TLR8: variants seen among roughly 807,000 people sequenced by gnomAD.
TLR8 encodes toll-like receptor 8.
TLR8 carries 5 observed loss-of-function variants against 18.5 expected under a neutral mutation model. That is an observed-to-expected ratio of 0.27 (90% CI 0.14 to 0.57). The LOEUF (loss-of-function observed/expected upper bound fraction) is 0.57. Among genes scored for constraint, TLR8 ranks in the 20% least tolerant of loss-of-function variants. TLR8 has a pLI of 0.92. For missense variants in TLR8, 543 were observed against 769.8 expected, an observed-to-expected ratio of 0.71 and a Z score of 3.49; for synonymous variants, 299 against 300.1, an observed-to-expected ratio of 1.00 and a Z score of 0.04.
At chrX:12,913,439 T>C (rs1432564119) in intron 1 of TLR8, among the ~76,000 whole-genome samples, 4 of 112,896 alleles carry the variant, frequency 3.5e-5, no homozygotes, top group Admixed American at 2.8e-4. Context: ...GGTTTGTTCA[T>C]TGTTTTATCT....
At chrX:12,910,687 C>A (rs947427462) in intron 1 of TLR8, among the ~76,000 whole-genome samples, 1 of 112,099 alleles carries the variant, frequency 8.9e-6, no homozygotes, top group Non-Finnish European at 1.9e-5. Context: ...GTTCTTCAAA[C>A]TGCACTGGTC....
chrX:12,907,274 C>T (rs1455037285), intron 1 of TLR8, among the ~76,000 whole-genome samples: 1 of 112,475 alleles, frequency 8.9e-6, no homozygotes, highest in Non-Finnish European at 1.9e-5. Context: ...TACTTTTCCA[C>T]CAACCTAATA....
At chrX:12,916,829 G>A (rs1387026460) in intron 1 of TLR8, among the ~76,000 whole-genome samples, 5 of 110,932 alleles carry the variant, frequency 4.5e-5, no homozygotes, top group African/African-American at 1.6e-4. Flanking sequence ...CATCCAGATT[G>A]TCAGGTGATT....
At chrX:12,914,617 C>A (rs1368869841) in intron 1 of TLR8, among the ~76,000 whole-genome samples, 1 of 111,686 alleles carries the variant, frequency 9.0e-6, no homozygotes, top group Non-Finnish European at 1.9e-5. Context: ...ATCCCTCTCC[C>A]TCACAACCTC....
chrX:12,921,633 G>C lies in TLR8; in HGVS notation c.2593G>C (p.Ala865Pro). Residue 865 changes from alanine (A) to proline (P), a missense_variant, in exon 2 of 2, where the codon GCT becomes CCT. By Grantham distance (27) the Ala-to-Pro change is conservative. Coordinates refer to ENST00000218032, the MANE Select transcript of TLR8 (RefSeq NM_138636.5). ...TTGGTTTATATATAATGTGTGTTTA[G>C]CTAAGGTAAAAGGCTACAGGTCTCT... is the stretch of plus-strand genomic sequence containing the variant. ...DVWFIYNVCLAKVKGYRSLST... is the reference protein window; with the variant it reads ...DVWFIYNVCLPKVKGYRSLST... The C allele has an allele frequency of 8.3e-7, 1 of 1,211,618 alleles. No individual in the cohort carries two copies. Among genetic ancestry groups the C allele is most frequent in the Non-Finnish European group, 1.1e-6 (1 of 895,359 alleles).
rs1031350684 is a variant in TLR8 at position 12,920,213 on chromosome X, G to A, written c.1173G>A (p.Met391Ile). 8.3e-7 allele frequency: 1 copy of A among 1,207,551 alleles called. No individual in the cohort carries two copies. The highest frequency in any genetic ancestry group is 1.1e-6 in the Non-Finnish European group (1 of 894,060). Residue 391 changes from methionine (M) to isoleucine (I), a missense_variant, in exon 2 of 2, where the codon ATG (methionine) becomes ATA (isoleucine). Around this residue, in one of 4 missense-constraint regions of TLR8, gnomAD observed 185 missense variants for 298.9 expected, o/e 0.62. Transcript: ENST00000218032. The stretch of plus-strand genomic sequence containing the variant: ...GAGAAGATGATTTCCAGCCCCTGAT[G>A]CAGCTTCCAAACTTATCGACTATCA... ...ELREDDFQPLMQLPNLSTINL... is the reference protein window; with the variant it reads ...ELREDDFQPLIQLPNLSTINL...
intron 1 of TLR8, among the ~76,000 whole-genome samples, chrX:12,911,259 A>G (rs954562677): frequency 1.8e-5 from 2 of 112,230 alleles, no homozygotes; most frequent in African/African-American, 6.5e-5. Context: ...GCAGAAATAT[A>G]TCCTCTCACA....
At chrX:12,916,397 A>G (rs2043055772) in intron 1 of TLR8, among the ~76,000 whole-genome samples, 2 of 112,078 alleles carry the variant, frequency 1.8e-5, no homozygotes, top group South Asian at 7.4e-4. Context: ...AAATCTAGCA[A>G]TGTTGGAACT....
chrX:12,922,193 A>G lies in TLR8; in HGVS notation c.*27A>G, dbSNP rs1465174946. On this transcript the variant is annotated 3_prime_UTR_variant, in exon 2 of 2. Coordinates refer to ENST00000218032, the MANE Select transcript of TLR8 (RefSeq NM_138636.5). ...TGACGTTAAGTCATGATTTCGCGCC[A>G]TAATAAAGATGCAAAGGAATGACAT... The G allele has an allele frequency of 6.9e-6, 8 of 1,161,021 alleles. No homozygotes were observed. The Admixed American group carries it at 1.5e-4, about 22-fold the overall frequency.
chrX:12,911,964 CT>C (rs1256892596), intron 1 of TLR8, among the ~76,000 whole-genome samples: 2 of 112,644 alleles, frequency 1.8e-5, no homozygotes, highest in Non-Finnish European at 3.8e-5. Flanking sequence ...TCCTCCTACA[CT>C]TTCTTTGATC....
intron 1 of TLR8, among the ~76,000 whole-genome samples, chrX:12,909,525 C>A: frequency 9.0e-6 from 1 of 111,033 alleles, no homozygotes; most frequent in East Asian, 2.8e-4. Context: ...TGTCTAAAAT[C>A]AGTAGATTTC....
intron 1 of TLR8, among the ~76,000 whole-genome samples, chrX:12,912,453 G>A (rs1335060637): frequency 2.7e-5 from 3 of 113,100 alleles, no homozygotes; most frequent in Non-Finnish European, 3.7e-5. Context: ...CCCCCATGCC[G>A]GGCATGGTCA....
At chrX:12,916,500 C>T (rs5744065) in intron 1 of TLR8, among the ~76,000 whole-genome samples, 3,278 of 111,848 alleles carry the variant, frequency 0.029, 106 homozygotes, top group African/African-American at 0.1. Flanking sequence ...ATGTCTGAGC[C>T]CCGTTGCCCC....
Position 12,922,954 on chromosome X carries a change from T to C in TLR8, c.*788T>C, listed in dbSNP as rs1475423494. ...TATATTATGCTGTGGTTGCGTTCGG[T>C]TTTATTTACAGTTGCTTTTACAAAT... On this transcript the variant is annotated 3_prime_UTR_variant, in exon 2 of 2. Transcript: ENST00000218032. 2 of 112,508 alleles carry C rather than the reference T, an allele frequency of 1.8e-5. No homozygotes were observed. Among genetic ancestry groups the C allele is most frequent in the Non-Finnish European group, 3.8e-5 (2 of 53,321 alleles). 9.3% of individuals were successfully genotyped at this position (112,508 alleles called of 1,213,427 possible).
At chrX:12,910,509 C>T (rs1182445158) in intron 1 of TLR8, 2 of 1,081,679 alleles carry the variant, frequency 1.8e-6, no homozygotes, top group Non-Finnish European at 1.2e-6. Flanking sequence ...CTGCACACTA[C>T]GTGGAATTTA....
intron 1 of TLR8, among the ~76,000 whole-genome samples, chrX:12,909,209 C>T (rs148695608): frequency 0.014 from 1,545 of 112,140 alleles, 26 homozygotes; most frequent in African/African-American, 0.047. Context: ...GTCCAACCCT[C>T]GGCCTGCGGG....
chrX:12,921,832 AC>A lies in TLR8; in HGVS notation c.2794del (p.Leu932SerfsTer15). ...GACCCGGGATTGGCCATCATCGACA[AC>A]CTCATGCAGAGCATCAACCAAAGCA... is the stretch of plus-strand genomic sequence containing the variant. ...DWDPGLAIID[N>X]LMQSINQSKK... On this transcript the variant is annotated frameshift_variant, in exon 2 of 2. Coordinates refer to ENST00000218032, the MANE Select transcript of TLR8 (RefSeq NM_138636.5). LOFTEE classifies it high-confidence loss of function. 1 of 1,211,876 alleles carries A rather than the reference AC, an allele frequency of 8.3e-7. No homozygotes were observed. The highest frequency in any genetic ancestry group is 1.1e-6 in the Non-Finnish European group (1 of 895,471).
At chrX:12,908,396 A>T (rs1223103424) in intron 1 of TLR8, 1 of 112,615 alleles carries the variant, frequency 8.9e-6, no homozygotes, top group Non-Finnish European at 1.9e-5. Flanking sequence ...TAATAAAATC[A>T]AATTAAACTT....
chrX:12,919,019 T>C, intron 1 of TLR8, 25 bp from the exon 2 acceptor site: 3 of 1,185,013 alleles, frequency 2.5e-6, no homozygotes, highest in East Asian at 3.0e-5. Context: ...TCTAATACTG[T>C]GCTTCCACTT....
Sources: gnomAD v4.1 joint callset for allele counts (sites outside exome capture counted in the v4.1 genomes callset) on GRCh38, gnomAD v4.1.1 for gene constraint, gnomAD v4.1.1 regional missense constraint, MANE v1.5 for transcripts, NCBI Gene and HGNC (gene_info 2026-07-23, HGNC 2026-07-21) for gene names.